The following EMSY variants were observed in gnomAD, a reference collection of about 807,000 sequenced individuals.
EMSY encodes the protein BRCA2-interacting transcriptional repressor EMSY.
A neutral mutation model predicts 134.6 loss-of-function variants in EMSY; 26 were observed. The ratio of observed to expected loss-of-function variants is 0.19; its 90% CI spans 0.14 to 0.27. The LOEUF (loss-of-function observed/expected upper bound fraction) is 0.27. Ranked by LOEUF, EMSY falls within the 10% of genes least tolerant of loss-of-function variation. EMSY has a pLI of 1.00. For synonymous variants in EMSY, 579 were observed against 577.8 expected, an observed-to-expected ratio of 1.00 and a Z score of -0.03; for missense variants, 1,305 against 1,611.4, an observed-to-expected ratio of 0.81 and a Z score of 3.26.
chr11:76,459,385 A>G (rs776237766), intron 5 of EMSY: 52 of 153,162 alleles, frequency 3.4e-4, no homozygotes, highest in Non-Finnish European at 7.1e-4. Context: ...GTTTAGCTGT[A>G]TCCCTTCGTT....
intron 14 of EMSY, among the ~76,000 whole-genome samples, chr11:76,529,921 T>C (rs1490570314): frequency 6.6e-6 from 1 of 152,178 alleles, no homozygotes. Context: ...TCTTTTGGTC[T>C]GCAGTTTCTT....
At chr11:76,542,514 ATT>A in intron 18 of EMSY, 147 bp downstream of exon 19, 1 of 1,059,696 alleles carries the variant, frequency 9.4e-7, no homozygotes, top group Non-Finnish European at 1.4e-6. Context: ...GAGGAAATGA[ATT>A]AAGAGTCTTA....
intron 5 of EMSY, 132 bp downstream of exon 6, chr11:76,458,490 T>G: frequency 2.1e-6 from 2 of 931,680 alleles, no homozygotes; most frequent in Non-Finnish European, 2.9e-6. Flanking sequence ...AGTAGGAAAC[T>G]CTAATTCTGA....
At chr11:76,463,907 G>C (rs1355783942) in exon 7 of EMSY, 2 of 1,614,198 alleles carry the variant, frequency 1.2e-6, no homozygotes, top group Non-Finnish European at 1.7e-6. Flanking sequence ...TCTAAAGGAA[G>C]TTCCAAAGGC....
chr11:76,526,263 G>A (rs1950842582), intron 12 of EMSY, among the ~76,000 whole-genome samples, 199 bp from the exon 14 acceptor site: 1 of 152,034 alleles, frequency 6.6e-6, no homozygotes, highest in African/African-American at 2.4e-5. Flanking sequence ...CCTTCTTTGG[G>A]TAGAAAGTTG....
chr11:76,513,403 C>G, exon 10 of EMSY: 1 of 1,613,322 alleles, frequency 6.2e-7, no homozygotes, highest in Non-Finnish European at 8.5e-7. Flanking sequence ...AATCATCACA[C>G]AACAGGTTCA....
At chr11:76,540,440 G>A (rs993386346) in intron 17 of EMSY, among the ~76,000 whole-genome samples, 4 of 151,800 alleles carry the variant, frequency 2.6e-5, no homozygotes, top group Non-Finnish European at 4.4e-5. Flanking sequence ...ATTAACTCAC[G>A]TAATTTAACA....
chr11:76,518,886 T>C (rs1420313710), intron 11 of EMSY, among the ~76,000 whole-genome samples: 1 of 132,238 alleles, frequency 7.6e-6, no homozygotes, highest in Non-Finnish European at 1.7e-5. Context: ...GTGTGTGTCA[T>C]TATAAATAAT....
At chr11:76,463,599 C>T (rs191183676) in intron 6 of EMSY, among the ~76,000 whole-genome samples, 5 of 140,368 alleles carry the variant, frequency 3.6e-5, no homozygotes, top group African/African-American at 1.1e-4. Flanking sequence ...GTCCGCAGTC[C>T]GGCCTGGGTG....
At chr11:76,487,258 C>T (rs1484982908) in intron 8 of EMSY, among the ~76,000 whole-genome samples, 2 of 152,166 alleles carry the variant, frequency 1.3e-5, no homozygotes, top group South Asian at 2.1e-4. Context: ...GCAGCCTGGG[C>T]GACAGAGTCT....
At chr11:76,477,483 A>T (rs1948815383) in intron 8 of EMSY, among the ~76,000 whole-genome samples, 1 of 151,660 alleles carries the variant, frequency 6.6e-6, no homozygotes, top group Non-Finnish European at 1.5e-5. Flanking sequence ...TTCTCCTTTC[A>T]TTTTTTAGCA....
Position 76,518,255 on chromosome 11 carries a change from C to T in EMSY, c.1684+1943C>T, listed in dbSNP as rs146637731. Among the ~76,000 whole-genome samples, 1,355 of 150,066 alleles carry T rather than the reference C, an allele frequency of 9.0e-3. 21 individuals carry two copies. The highest frequency in any genetic ancestry group is 0.032 in the African/African-American group (1,290 of 40,790). ...CATGATTGGCTTGTTACAGCGTCAG[C>T]CTCCTGGGCTCAAGCAATCCTGACA... On this transcript the variant is annotated intron_variant, in intron 11 of 20. Transcript: ENST00000334736.
At chr11:76,489,036 A>G (rs1023185771) in intron 8 of EMSY, among the ~76,000 whole-genome samples, 1 of 152,266 alleles carries the variant, frequency 6.6e-6, no homozygotes, top group Non-Finnish European at 1.5e-5. Flanking sequence ...TAATGGGGCC[A>G]CCATGACTGG....
At chr11:76,491,941 T>C (rs1443453461) in intron 8 of EMSY, among the ~76,000 whole-genome samples, 2 of 152,210 alleles carry the variant, frequency 1.3e-5, no homozygotes, top group Non-Finnish European at 2.9e-5. Context: ...AAGAAGACCT[T>C]GTAGTTGTTA....
intron 8 of EMSY, among the ~76,000 whole-genome samples, chr11:76,487,022 A>C (rs955454212): frequency 6.6e-6 from 1 of 152,254 alleles, no homozygotes; most frequent in Non-Finnish European, 1.5e-5. Flanking sequence ...TCACGCCTGT[A>C]ATCCCAGCAC....
At chr11:76,470,597 G>A (rs187683066) in intron 7 of EMSY, among the ~76,000 whole-genome samples, 1 of 152,162 alleles carries the variant, frequency 6.6e-6, no homozygotes, top group African/African-American at 2.4e-5. Flanking sequence ...GGTGCAGGCA[G>A]CCTCTATCAT....
At chr11:76,541,150 T>A (rs1381716446) in intron 17 of EMSY, among the ~76,000 whole-genome samples, 1 of 152,186 alleles carries the variant, frequency 6.6e-6, no homozygotes, top group Admixed American at 6.5e-5. Context: ...AACTTGAACC[T>A]GGGAGTCGGA....
chr11:76,518,631 T>C (rs1022785589), intron 11 of EMSY, among the ~76,000 whole-genome samples: 3 of 150,292 alleles, frequency 2.0e-5, no homozygotes, highest in Non-Finnish European at 3.0e-5. Flanking sequence ...AATTTAGGTA[T>C]ATTTCTTTTT....
At chr11:76,517,808 A>G (rs1234720315) in intron 11 of EMSY, among the ~76,000 whole-genome samples, 4 of 152,176 alleles carry the variant, frequency 2.6e-5, no homozygotes, top group Admixed American at 2.6e-4. Context: ...TTCCAGCACT[A>G]TAGGATATAC....
Sources: gnomAD v4.1 joint callset for allele counts (sites outside exome capture counted in the v4.1 genomes callset) on GRCh38, gnomAD v4.1.1 for gene constraint, MANE v1.5 for transcripts, NCBI Gene and HGNC (gene_info 2026-07-23, HGNC 2026-07-21) for gene names.